PARD3: variants seen among roughly 807,000 people sequenced by gnomAD.
PARD3 encodes the protein par-3 family cell polarity regulator.
Under a neutral mutation model 155.4 loss-of-function variants are expected in PARD3, and 75 were observed. That is an observed-to-expected ratio of 0.48 (90% CI 0.40 to 0.58). The LOEUF is 0.58. Ranked by LOEUF, PARD3 falls within the 20% of genes least tolerant of loss-of-function variation. The pLI is 0.00. For synonymous variants in PARD3, 576 were observed against 610.5 expected (o/e 0.94, Z 0.83); for missense variants, 1,642 against 1,721.7 (o/e 0.95, Z 0.82).
At chr10:34,627,616 G>A (rs2092047588) in intron 2 of PARD3, among the ~76,000 whole-genome samples, 1 of 152,126 alleles carries the variant, frequency 6.6e-6, no homozygotes, top group Non-Finnish European at 1.5e-5. Context: ...GCACCTGCAA[G>A]GCCAGGAACA....
At chr10:34,728,225 C>T (rs2094753214) in intron 1 of PARD3, among the ~76,000 whole-genome samples, 2 of 152,114 alleles carry the variant, frequency 1.3e-5, no homozygotes, top group South Asian at 4.1e-4. Flanking sequence ...TTAGAAAACA[C>T]TCAAATTTAG....
intron 4 of PARD3, among the ~76,000 whole-genome samples, chr10:34,466,608 A>C (rs887225043): frequency 6.6e-6 from 1 of 152,156 alleles, no homozygotes; most frequent in East Asian, 1.9e-4. Context: ...ATGAATGCAC[A>C]ACTAATTTAT....
At chr10:34,314,338 T>A (rs1355056039) in intron 20 of PARD3, among the ~76,000 whole-genome samples, 1 of 152,240 alleles carries the variant, frequency 6.6e-6, no homozygotes, top group Non-Finnish European at 1.5e-5. Context: ...TCTCAAAGAC[T>A]AATGACTATC....
chr10:34,235,277 C>T (rs1953155387), intron 22 of PARD3, among the ~76,000 whole-genome samples: 1 of 152,190 alleles, frequency 6.6e-6, no homozygotes, highest in South Asian at 2.1e-4. Context: ...CTTCCTGGAA[C>T]TATAAAAGCT....
intron 1 of PARD3, among the ~76,000 whole-genome samples, chr10:34,792,161 G>A (rs144722624): frequency 6.6e-6 from 1 of 152,230 alleles, no homozygotes; most frequent in Non-Finnish European, 1.5e-5. Context: ...CTCCCCGGAC[G>A]TGCGCCCACG....
intron 2 of PARD3, among the ~76,000 whole-genome samples, chr10:34,665,090 T>G (rs1460126296): frequency 6.6e-6 from 1 of 151,950 alleles, no homozygotes; most frequent in East Asian, 1.9e-4. Context: ...ATTACAAAGT[T>G]TTTTTTAAAA....
chr10:34,699,829 T>C (rs2094240879), intron 1 of PARD3, among the ~76,000 whole-genome samples: 1 of 152,114 alleles, frequency 6.6e-6, no homozygotes, highest in African/African-American at 2.4e-5. Flanking sequence ...GAGCTGTGAT[T>C]GTATCACTGC....
At chr10:34,369,012 C>A (rs113121039) in intron 12 of PARD3, among the ~76,000 whole-genome samples, 1 of 145,208 alleles carries the variant, frequency 6.9e-6, no homozygotes, top group African/African-American at 2.8e-5. Context: ...ATATATGTAG[C>A]TTAGCTTTTT....
intron 4 of PARD3, among the ~76,000 whole-genome samples, chr10:34,467,141 A>C (rs931568153): frequency 6.6e-6 from 1 of 152,124 alleles, no homozygotes; most frequent in Admixed American, 6.5e-5. Flanking sequence ...TGATACTTAA[A>C]ATGTGAAAAA....
intron 15 of PARD3, chr10:34,346,080 G>A (rs1249180080): frequency 3.0e-6 from 3 of 993,474 alleles, no homozygotes; most frequent in African/African-American, 3.5e-5. Flanking sequence ...TGGTAAAAGG[G>A]CATACACATC....
At chr10:34,721,195 TG>T (rs1412136300) in intron 1 of PARD3, among the ~76,000 whole-genome samples, 1 of 152,166 alleles carries the variant, frequency 6.6e-6, no homozygotes, top group Admixed American at 6.6e-5. Flanking sequence ...TCTTAAGCAA[TG>T]TTACGCTCCT....
At chr10:34,128,169 A>C (rs759267208) in intron 23 of PARD3, among the ~76,000 whole-genome samples, 8 of 152,140 alleles carry the variant, frequency 5.3e-5, no homozygotes, top group Non-Finnish European at 1.0e-4. Flanking sequence ...CCTCACCTGA[A>C]CTAAGTTAAA....
At chr10:34,665,795 G>A (rs964732808) in intron 2 of PARD3, among the ~76,000 whole-genome samples, 1 of 148,788 alleles carries the variant, frequency 6.7e-6, no homozygotes, top group Admixed American at 6.7e-5. Context: ...CCAAGACGGC[G>A]CCACTGCACT....
chr10:34,267,268 A>G (rs2133842316), intron 22 of PARD3, among the ~76,000 whole-genome samples: 1 of 152,340 alleles, frequency 6.6e-6, no homozygotes. Context: ...CAAGTATGGC[A>G]GAAACCAAGT....
At chr10:34,530,711 A>C (rs898641607) in intron 2 of PARD3, among the ~76,000 whole-genome samples, 1 of 152,196 alleles carries the variant, frequency 6.6e-6, no homozygotes, top group African/African-American at 2.4e-5. Flanking sequence ...TTTCTATCAC[A>C]AGGAAGGCAC....
chr10:34,322,618 T>C (rs1216650166), intron 19 of PARD3, among the ~76,000 whole-genome samples: 1 of 152,206 alleles, frequency 6.6e-6, no homozygotes, highest in Non-Finnish European at 1.5e-5. Context: ...GATTTGCTAC[T>C]AGATTAAAAT....
intron 1 of PARD3, among the ~76,000 whole-genome samples, chr10:34,741,855 AT>A (rs2095024869): frequency 6.6e-6 from 1 of 152,244 alleles, no homozygotes; most frequent in Non-Finnish European, 1.5e-5. Flanking sequence ...CAAAAAGACC[AT>A]TACTGGTTTT....
At chr10:34,214,924 T>C (rs1399425472) in intron 22 of PARD3, among the ~76,000 whole-genome samples, 1 of 152,074 alleles carries the variant, frequency 6.6e-6, no homozygotes, top group Non-Finnish European at 1.5e-5. Flanking sequence ...CTTTTAAGGG[T>C]GAGACGCAGT....
intron 2 of PARD3, among the ~76,000 whole-genome samples, chr10:34,581,051 G>C (rs545356314): frequency 6.6e-6 from 1 of 152,136 alleles, no homozygotes; most frequent in Admixed American, 6.5e-5. Flanking sequence ...CTAAAAATTA[G>C]CTTAAGTACT....
Sources: allele counts gnomAD v4.1 joint callset (sites outside exome capture counted in the v4.1 genomes callset), GRCh38; gene constraint gnomAD v4.1.1; transcripts MANE v1.5; gene names NCBI Gene and HGNC (gene_info 2026-07-23, HGNC 2026-07-21).